RAD51: variants seen among roughly 807,000 people sequenced by gnomAD.
RAD51 encodes DNA repair protein RAD51 homolog 1.
RAD51 carries 14 observed loss-of-function variants against 41.5 expected under a neutral mutation model. That is an observed-to-expected ratio of 0.34 (90% CI 0.22 to 0.53). The LOEUF is 0.53. Among genes scored for constraint, RAD51 ranks in the 20% least tolerant of loss-of-function variants. The probability of loss-of-function intolerance (pLI) is 0.95; values close to 1 mark genes in which losing one functional copy is unlikely to be tolerated. For missense variants in RAD51, 234 were observed against 422.0 expected (o/e 0.55, Z 3.90); for synonymous variants, 136 against 148.6 (o/e 0.92, Z 0.62).
At chr15:40,701,917 G>T in intron 3 of RAD51, 1 of 362,292 alleles carries the variant, frequency 2.8e-6, no homozygotes, top group Non-Finnish European at 5.4e-6. Context: ...CCGAGTAGTT[G>T]GGACTACAGG....
chr15:40,704,232 C>T (rs1161100638), intron 3 of RAD51, among the ~76,000 whole-genome samples: 3 of 151,822 alleles, frequency 2.0e-5, no homozygotes, highest in South Asian at 2.1e-4. Context: ...TGCCGCCATG[C>T]CCAGCTAATT....
chr15:40,719,725 G>A lies in RAD51; in HGVS notation c.530+826G>A, dbSNP rs1017273468. On this transcript the variant is annotated intron_variant, in intron 6 of 9. Transcript: ENST00000267868. ...TGGGTGCCTGTAGTCCCAGCTACTCGGGAGGCTGAGGCAGGAGAATGGCCT... is the reference window on the plus strand; with the variant it reads ...TGGGTGCCTGTAGTCCCAGCTACTCAGGAGGCTGAGGCAGGAGAATGGCCT... Among the ~76,000 whole-genome samples the A allele has an allele frequency of 2.6e-5, 4 of 152,102 alleles. No individual in the cohort carries two copies. In the East Asian group the frequency reaches 7.7e-4, roughly 29 times the overall value.
intron 2 of RAD51, among the ~76,000 whole-genome samples, chr15:40,699,832 G>A (rs1894873075): frequency 6.6e-6 from 1 of 152,174 alleles, no homozygotes. Flanking sequence ...TCTGCCCATT[G>A]TATAGAGACT....
chr15:40,696,287 T>TA (rs1894628802), intron 1 of RAD51, among the ~76,000 whole-genome samples: 1 of 152,148 alleles, frequency 6.6e-6, no homozygotes, highest in South Asian at 2.1e-4. Flanking sequence ...TATTACAAAA[T>TA]ATACTGGCCG....
intron 3 of RAD51, among the ~76,000 whole-genome samples, chr15:40,703,376 G>A (rs189809227): frequency 2.3e-3 from 354 of 152,240 alleles, no homozygotes; most frequent in African/African-American, 8.3e-3. Flanking sequence ...GCACCTGGCC[G>A]TGCAATGAAT....
At chr15:40,712,667 A>T (rs1895763041) in intron 5 of RAD51, among the ~76,000 whole-genome samples, 1 of 152,094 alleles carries the variant, frequency 6.6e-6, no homozygotes, top group South Asian at 2.1e-4. Context: ...TAATCTTTTG[A>T]AGCTTTATTA....
At chr15:40,726,867 C>T (rs987266341) in intron 6 of RAD51, among the ~76,000 whole-genome samples, 18 of 148,986 alleles carry the variant, frequency 1.2e-4, no homozygotes, top group African/African-American at 4.5e-4. Context: ...GAGCCGAGAT[C>T]GTGCCACTGC....
chr15:40,723,401 T>C (rs1232909893), intron 6 of RAD51, among the ~76,000 whole-genome samples: 3 of 152,214 alleles, frequency 2.0e-5, no homozygotes, highest in Non-Finnish European at 4.4e-5. Context: ...ATAATGTTTA[T>C]AGTATCATTA....
intron 9 of RAD51, among the ~76,000 whole-genome samples, chr15:40,730,446 T>C (rs1234684565): frequency 6.6e-6 from 1 of 151,768 alleles, no homozygotes; most frequent in Non-Finnish European, 1.5e-5. Flanking sequence ...CGAGGCTGTA[T>C]TGAGCTATGA....
intron 9 of RAD51, 144 bp from the exon 10 acceptor site, chr15:40,730,911 C>A (rs1046973945): frequency 1.9e-6 from 2 of 1,052,388 alleles, no homozygotes; most frequent in Admixed American, 4.8e-5. Context: ...GTTGGAAATG[C>A]ACTAAGGAAA....
At chr15:40,731,009 GT>G in intron 9 of RAD51, 45 bp from the exon 10 acceptor site, 2 of 1,612,868 alleles carry the variant, frequency 1.2e-6, no homozygotes, top group Non-Finnish European at 1.7e-6. Flanking sequence ...GAACGGAATT[GT>G]TTAATTATAA....
chr15:40,717,369 C>A (rs1896042886), intron 5 of RAD51, among the ~76,000 whole-genome samples: 1 of 151,982 alleles, frequency 6.6e-6, no homozygotes, highest in African/African-American at 2.4e-5. Context: ...ATTTGGTTCT[C>A]CTAGGCCTTT....
intron 3 of RAD51, among the ~76,000 whole-genome samples, chr15:40,702,098 A>G (rs1211523312): frequency 1.3e-5 from 2 of 152,026 alleles, no homozygotes; most frequent in African/African-American, 4.8e-5. Flanking sequence ...ATTTATTTAT[A>G]AAATTGTATT....
At chr15:40,707,141 AC>A (rs1895397225) in intron 4 of RAD51, among the ~76,000 whole-genome samples, 1 of 112,702 alleles carries the variant, frequency 8.9e-6, no homozygotes, top group South Asian at 2.9e-4. Flanking sequence ...ATCATTTACC[AC>A]CTGGCTAATT....
Position 40,731,356 on chromosome 15 carries a change from C to A in RAD51, c.*178C>A. 1.4e-6 allele frequency: 1 copy of A among 737,652 alleles called. No homozygotes were observed. Among genetic ancestry groups the A allele is most frequent in the Non-Finnish European group, 2.2e-6 (1 of 449,494 alleles). The allele number at this position is 737,652 out of a possible 1,614,324, so 45.7% of individuals were successfully genotyped here. A position where few individuals can be genotyped will look rare whatever the true frequency, so the allele number is the denominator to read the frequency against. ...TAAACAGGAGACAGGTCAGTAGTCA[C>A]AAACTGATCTAAAATGTTTATTCCT... On this transcript the variant is annotated 3_prime_UTR_variant, in exon 10 of 10. Transcript: ENST00000267868.
rs1168389179 is a variant in RAD51, at chr15:40,728,662, C to T, written c.531-49C>T. On this transcript the variant is annotated intron_variant, in intron 6 of 9. Transcript: ENST00000267868. ...TAAGTGTCAGAAACAAATTGCTCAT[C>T]TGCCTGAGTTCTGTGTGCAGCCTAA... 2.7e-6 allele frequency: 4 copies of T among 1,479,398 alleles called. No homozygotes were observed. In the East Asian group the frequency reaches 6.8e-5, roughly 25 times the overall value. 91.6% of individuals were successfully genotyped at this position (1,479,398 alleles called of 1,614,324 possible).
At chr15:40,706,683 C>T (rs1895362468) in intron 4 of RAD51, among the ~76,000 whole-genome samples, 1 of 151,920 alleles carries the variant, frequency 6.6e-6, no homozygotes, top group Non-Finnish European at 1.5e-5. Flanking sequence ...GCCTGGGTGA[C>T]GAGCAAAACT....
intron 6 of RAD51, among the ~76,000 whole-genome samples, chr15:40,722,265 T>G (rs887390233): frequency 6.6e-6 from 1 of 151,914 alleles, no homozygotes; most frequent in African/African-American, 2.4e-5. Context: ...TACAAAAAAT[T>G]AGCCAGGTGT....
chr15:40,728,670 G>A, intron 6 of RAD51, 41 bp from the exon 7 acceptor site: 2 of 1,540,354 alleles, frequency 1.3e-6, no homozygotes, highest in East Asian at 2.2e-5. Flanking sequence ...ATCTGCCTGA[G>A]TTCTGTGTGC....
Sources: allele counts gnomAD v4.1 joint callset (sites outside exome capture counted in the v4.1 genomes callset), GRCh38; gene constraint gnomAD v4.1.1; transcripts MANE v1.5; gene names NCBI Gene and HGNC (gene_info 2026-07-23, HGNC 2026-07-21).